The following FANCD2OS variants were observed in gnomAD, a reference collection of about 807,000 sequenced individuals.
FANCD2OS encodes FANCD2 opposite strand protein.
In FANCD2OS, 11 loss-of-function variants were observed where a neutral mutation model predicts 13.2. The ratio of observed to expected loss-of-function variants is 0.83; its 90% CI spans 0.52 to 1.38. FANCD2OS has a LOEUF of 1.38. FANCD2OS is among the 40% of genes most tolerant of loss of function. The pLI is 0.00. For synonymous variants in FANCD2OS, 69 were observed against 84.5 expected (o/e 0.82, Z 1.01); for missense variants, 217 against 213.9 (o/e 1.01, Z -0.09).
Position 10,105,767 on chromosome 3 carries a change from AAAAATTATATATATATATAT to A in FANCD2OS, c.-8-1005_-8-986del, listed in dbSNP as rs1277077361. Among the ~76,000 whole-genome samples the A allele has an allele frequency of 2.1e-4, 11 of 53,432 alleles. 1 individual carries two copies. The African/African-American group carries it at 2.2e-3, about 11-fold the overall frequency. 35.1% of individuals were successfully genotyped at this position (53,432 alleles called of 152,430 possible). ...CTCCATCTAAAAAAAAAAAAAAAAA[AAAAATTATATATATATATAT>A]ATATATATATATATATATATATATA... On this transcript the variant is annotated intron_variant, in intron 1 of 1. Transcript: ENST00000450660.
intron 1 of FANCD2OS, among the ~76,000 whole-genome samples, chr3:10,107,161 A>T (rs1695518286): frequency 6.6e-6 from 1 of 152,198 alleles, no homozygotes; most frequent in Admixed American, 6.5e-5. Flanking sequence ...GCACATATCC[A>T]AGAGAGGGAC....
chr3:10,098,580 C>A (rs764769075), downstream of FANCD2OS: 7 of 987,012 alleles, frequency 7.1e-6, no homozygotes, highest in African/African-American at 1.6e-5. Context: ...GATGCTGAAT[C>A]ACAAGTTGGT....
In FANCD2OS at chr3:10,088,824, G is replaced by T. The variant is rs1694400747; in HGVS notation, c.*44-7293C>A. 6.2e-7 allele frequency: 1 copy of T among 1,613,848 alleles called. No individual in the cohort carries two copies. The highest frequency in any genetic ancestry group is 8.5e-7 in the Non-Finnish European group (1 of 1,179,906). ...GTGGGTCAAATATTTGACTCTCAATGCAGTATCTACCTGGAGCACACAGAG... is the reference window on the plus strand; with the variant it reads ...GTGGGTCAAATATTTGACTCTCAATTCAGTATCTACCTGGAGCACACAGAG... On this transcript the variant is annotated intron_variant, in intron 2 of 2. Transcript: ENST00000524279.
downstream of FANCD2OS, chr3:10,102,758 G>T (rs1401827147): frequency 6.5e-6 from 1 of 154,970 alleles, no homozygotes; most frequent in Non-Finnish European, 1.4e-5. Flanking sequence ...CAGGAGAATG[G>T]TGTGAACCCG....
At chr3:10,096,263 A>C in intron 2 of FANCD2OS, 4 of 1,553,378 alleles carry the variant, frequency 2.6e-6, no homozygotes, top group Non-Finnish European at 3.5e-6. Flanking sequence ...AAAGGTTTCT[A>C]TAAGAAATGT....
chr3:10,107,277 C>A (rs1344031691), intron 1 of FANCD2OS, among the ~76,000 whole-genome samples: 1 of 147,900 alleles, frequency 6.8e-6, no homozygotes, highest in African/African-American at 2.6e-5. Flanking sequence ...ATCCCAGGAT[C>A]CTTTTCTTTC....
At position 10,088,250 on chromosome 3, in the gene FANCD2OS, G is replaced by A. The variant is rs553342175; in HGVS notation, c.*44-6719C>T. Among the ~76,000 whole-genome samples, 21 of 152,244 alleles carry A rather than the reference G, an allele frequency of 1.4e-4. No homozygotes were observed. In the South Asian group the frequency reaches 4.3e-3, roughly 32 times the overall value. The stretch of plus-strand genomic sequence containing the variant: ...TGGGGTGGGACGTGTTGAGCCTTAG[G>A]CAAATGAGTTTATGTCTGGCAAAAG... On this transcript the variant is annotated intron_variant, in intron 2 of 2. Coordinates refer to the FANCD2OS transcript ENST00000524279.
chr3:10,091,921 T>C (rs538267785), intron 2 of FANCD2OS, among the ~76,000 whole-genome samples: 22 of 152,320 alleles, frequency 1.4e-4, no homozygotes, highest in African/African-American at 5.3e-4. Flanking sequence ...GGTCAGTATA[T>C]GTTGCAAAGG....
At chr3:10,098,767 G>C (rs61753270), downstream of FANCD2OS, 39 of 1,613,946 alleles carry the variant, frequency 2.4e-5, no homozygotes, top group Middle Eastern at 1.6e-4. Flanking sequence ...CAGCAGATGA[G>C]AGTGAGGATG....
chr3:10,092,301 CA>C, intron 2 of FANCD2OS: 1 of 1,416,728 alleles, frequency 7.1e-7, no homozygotes, highest in South Asian at 1.1e-5. Flanking sequence ...CTGCAGAAAC[CA>C]AGTGTCCTGG....
intron 2 of FANCD2OS, chr3:10,090,182 A>G: frequency 1.3e-6 from 1 of 748,712 alleles, no homozygotes. Flanking sequence ...CCCTAGTGAA[A>G]GGACATTTAG....
At chr3:10,087,116 T>G in intron 2 of FANCD2OS, 2 of 1,613,940 alleles carry the variant, frequency 1.2e-6, no homozygotes, top group Non-Finnish European at 1.7e-6. Context: ...TTTGTTTGTT[T>G]TTCTTGTCTC....
rs368999017 is a variant in FANCD2OS, at chr3:10,090,390, G to A, written c.*44-8859C>T. 6.6e-7 allele frequency: 1 copy of A among 1,515,332 alleles called. No individual in the cohort carries two copies. Among genetic ancestry groups the A allele is most frequent in the Non-Finnish European group, 9.0e-7 (1 of 1,114,344 alleles). 93.9% of individuals were successfully genotyped at this position (1,515,332 alleles called of 1,614,324 possible). On this transcript the variant is annotated intron_variant, in intron 2 of 2. Transcript: ENST00000524279. ...ACAGCAGCAGACTCGCAGCAGGTGA[G>A]TAAGATAATAGTCACTTCAAGAAGT... is the stretch of plus-strand genomic sequence containing the variant.
downstream of FANCD2OS, among the ~76,000 whole-genome samples, chr3:10,097,950 G>T (rs561038450): frequency 2.4e-3 from 368 of 152,022 alleles, no homozygotes; most frequent in African/African-American, 8.5e-3. Context: ...CTGACTTCCC[G>T]CAACAATCTC....
chr3:10,105,762 A>AT (rs1695456444), intron 1 of FANCD2OS, among the ~76,000 whole-genome samples: 2 of 75,070 alleles, frequency 2.7e-5, no homozygotes, highest in African/African-American at 2.5e-4. Flanking sequence ...AAAAAAAAAA[A>AT]AAAAAAAAAT....
intron 2 of FANCD2OS, chr3:10,088,530 A>G: frequency 1.2e-6 from 2 of 1,601,700 alleles, no homozygotes; most frequent in Non-Finnish European, 8.6e-7. Context: ...GACCAGCTCC[A>G]TGCTCTGCTC....
At position 10,090,201 on chromosome 3, in the gene FANCD2OS, G is replaced by A. The variant is rs532838222; in HGVS notation, c.*44-8670C>T. ...AGTGAAAGGACATTTAGAGAGGTAG[G>A]GAAGGAAGCTACTTTTGGTTCCTGG... On this transcript the variant is annotated intron_variant, in intron 2 of 2. Transcript: ENST00000524279. The A allele has an allele frequency of 9.5e-5, 83 of 873,782 alleles. 1 individual carries two copies. In the South Asian group the frequency reaches 1.1e-3, roughly 12 times the overall value. 54.1% of individuals were successfully genotyped at this position (873,782 alleles called of 1,614,324 possible). A position where few individuals can be genotyped will look rare whatever the true frequency, so the allele number is the denominator to read the frequency against.
At chr3:10,101,286 T>C (rs1319880769), downstream of FANCD2OS, 1 of 1,540,670 alleles carries the variant, frequency 6.5e-7, no homozygotes, top group Non-Finnish European at 9.0e-7. Context: ...TGTTGCCTGC[T>C]TCTGTGTCTC....
At position 10,092,174 on chromosome 3, in the gene FANCD2OS, G is replaced by A. The variant is rs1694654417; in HGVS notation, c.*44-10643C>T. ...CTCAGAGGTGCCCATATATTTGGCT[G>A]CCCCAGATTCATGAAGAGAAACTCC... On this transcript the variant is annotated intron_variant, in intron 2 of 2. Transcript: ENST00000524279. 6.2e-7 allele frequency: 1 copy of A among 1,610,974 alleles called. No homozygotes were observed. The highest frequency in any genetic ancestry group is 2.2e-5 in the East Asian group (1 of 44,872).
Sources: gnomAD v4.1 joint callset for allele counts (sites outside exome capture counted in the v4.1 genomes callset) on GRCh38, gnomAD v4.1.1 for gene constraint, MANE v1.5 for transcripts, NCBI Gene and HGNC (gene_info 2026-07-23, HGNC 2026-07-21) for gene names.